Variants in PARD6G observed in about 807,000 individuals in gnomAD.
PARD6G encodes partitioning defective 6 homolog gamma.
PARD6G carries 7 observed loss-of-function variants against 10.7 expected under a neutral mutation model. The observed-to-expected ratio is 0.66, with a 90% CI of 0.37 to 1.23. The LOEUF (loss-of-function observed/expected upper bound fraction) is 1.23. Among genes scored for constraint, PARD6G ranks in the 50% most tolerant of loss-of-function variants. The pLI, the probability that PARD6G is intolerant of heterozygous loss-of-function variation, is 0.02. For synonymous variants in PARD6G, 287 were observed against 269.4 expected (o/e 1.07, Z -0.64); for missense variants, 548 against 571.8 (o/e 0.96, Z 0.42).
rs111891577 is a variant in PARD6G, at chr18:80,228,977, C to T, written c.72+18300G>A. On this transcript the variant is annotated intron_variant, in intron 1 of 2. Coordinates refer to ENST00000353265, the MANE Select transcript of PARD6G (RefSeq NM_032510.4). The surrounding 1 kb of genome is among the most constrained non-coding windows in gnomAD (Gnocchi z 4.6). ...TTTAGAAGACGGAGTCTCACTCTGT[C>T]GCCCAGGCTGGAGTGCAGTGGCATG... Among the ~76,000 whole-genome samples, 7 of 152,148 alleles carry T rather than the reference C, an allele frequency of 4.6e-5. No homozygotes were observed. Among genetic ancestry groups the T allele is most frequent in the Non-Finnish European group, 7.4e-5 (5 of 68,026 alleles).
intron 1 of PARD6G, among the ~76,000 whole-genome samples, chr18:80,224,286 T>C (rs1000964831): frequency 4.6e-5 from 7 of 152,096 alleles, no homozygotes; most frequent in African/African-American, 1.7e-4. Context: ...ACCTAAGAGG[T>C]CTATCTAAAT....
intron 2 of PARD6G, among the ~76,000 whole-genome samples, chr18:80,194,214 CAG>C (rs773994120): frequency 2.0e-5 from 3 of 152,294 alleles, no homozygotes; most frequent in Middle Eastern, 3.4e-3. Context: ...CTTAATGTGA[CAG>C]CGCCACTCAA....
In PARD6G at chr18:80,180,783, C is replaced by T. The variant is rs948252258; in HGVS notation, c.296-20177G>A. 2.0e-5 allele frequency among the ~76,000 whole-genome samples: 3 copies of T among 152,146 alleles called. No homozygotes were observed. Among genetic ancestry groups the T allele is most frequent in the Non-Finnish European group, 4.4e-5 (3 of 68,012 alleles). The stretch of plus-strand genomic sequence containing the variant: ...CCCTTCCTCATCACAACAGAGAGCC[C>T]ACCACAGGGGACAGCCACAACTTAG... On this transcript the variant is annotated intron_variant, in intron 2 of 2. Coordinates refer to ENST00000353265, the MANE Select transcript of PARD6G (RefSeq NM_032510.4). The surrounding 1 kb of genome is among the most constrained non-coding windows in gnomAD (Gnocchi z 5.6).
chr18:80,190,393 G>T (rs796430380), intron 2 of PARD6G, among the ~76,000 whole-genome samples: 1 of 152,162 alleles, frequency 6.6e-6, no homozygotes, highest in South Asian at 2.1e-4. Context: ...ACTGCCTCTC[G>T]TCCAGAGTCT....
chr18:80,216,332 T>C (rs984078877), intron 1 of PARD6G, among the ~76,000 whole-genome samples: 2 of 152,078 alleles, frequency 1.3e-5, no homozygotes, highest in Non-Finnish European at 2.9e-5. Flanking sequence ...ATTCTTCAAG[T>C]ACACATGAAA....
chr18:80,160,012 TC>T lies in PARD6G; in HGVS notation c.889del (p.Glu297ArgfsTer95). The T allele has an allele frequency of 6.5e-7, 1 of 1,530,320 alleles. No homozygotes were observed. Among genetic ancestry groups the T allele is most frequent in the South Asian group, 1.3e-5 (1 of 77,108 alleles). The allele number at this position is 1,530,320 out of a possible 1,614,324, so 94.8% of individuals were successfully genotyped here. On this transcript the variant is annotated frameshift_variant, in exon 3 of 3. Transcript: ENST00000353265. LOFTEE classifies it low-confidence loss of function (END_TRUNC). ...GCCCTCGATGACGACGTCGTTGTCC[TC>T]ATCGCTCTCCGCCTCGTCGGGGTGG... Reference protein sequence around the residue: ...NFHPDEAESDEDNDVVIEGTL... With the variant: ...NFHPDEAESDXDNDVVIEGTL...
chr18:80,166,379 G>A (rs1207468097), intron 2 of PARD6G, among the ~76,000 whole-genome samples: 4 of 151,432 alleles, frequency 2.6e-5, no homozygotes, highest in Non-Finnish European at 5.9e-5. Context: ...CTAAGCAGGC[G>A]ACACAGTCTG....
chr18:80,230,384 G>A (rs1967344488), intron 1 of PARD6G, among the ~76,000 whole-genome samples: 1 of 152,242 alleles, frequency 6.6e-6, no homozygotes, highest in Non-Finnish European at 1.5e-5. Context: ...TGAGGAACCT[G>A]TTGGAGCGTG....
At chr18:80,197,776 C>G (rs1346168149) in intron 2 of PARD6G, 1 of 152,260 alleles carries the variant, frequency 6.6e-6, no homozygotes, top group Non-Finnish European at 1.5e-5. Context: ...GTTGTGCATT[C>G]TCTGGCAAGG....
intron 2 of PARD6G, among the ~76,000 whole-genome samples, chr18:80,163,352 G>A (rs376593227): frequency 7.9e-5 from 12 of 152,172 alleles, no homozygotes; most frequent in East Asian, 1.9e-4. Flanking sequence ...CAGCCTGGCC[G>A]CCTGTCCCAC....
chr18:80,160,697 CGTGACGCCGAAGCACCCAGG>C, intron 2 of PARD6G, 91 bp from the exon 3 acceptor site: 2 of 1,415,192 alleles, frequency 1.4e-6, no homozygotes, highest in Middle Eastern at 2.6e-4. Context: ...GTTCCATCTG[CGTGACGCCGAAGCACCCAGG>C]GTGCACAGGA....
rs1435963182 is a variant in PARD6G, at chr18:80,235,480, C to G, written c.72+11797G>C. Among the ~76,000 whole-genome samples, 8 of 152,064 alleles carry G rather than the reference C, an allele frequency of 5.3e-5. No individual in the cohort carries two copies. In the East Asian group the frequency reaches 5.8e-4, roughly 11 times the overall value. ...AAGCAAGAGCAAACACATTCAAAAGCTAGCAGAAGGCAAGAAAGAACTAAG... is the reference window on the plus strand; with the variant it reads ...AAGCAAGAGCAAACACATTCAAAAGGTAGCAGAAGGCAAGAAAGAACTAAG... On this transcript the variant is annotated intron_variant, in intron 1 of 2. Transcript: ENST00000353265.
At chr18:80,195,572 T>TATATATATATATATATAC (rs894731117) in intron 2 of PARD6G, among the ~76,000 whole-genome samples, 62 of 87,292 alleles carry the variant, frequency 7.1e-4, no homozygotes, top group Middle Eastern at 5.3e-3. Context: ...TATATATATA[T>TATATATATATATATATAC]ACACACATTT....
At position 80,201,375 on chromosome 18, in the gene PARD6G, C is replaced by T. The variant is rs1967005238; in HGVS notation, c.295+1335G>A. On this transcript the variant is annotated intron_variant, in intron 2 of 2. Coordinates refer to ENST00000353265, the MANE Select transcript of PARD6G (RefSeq NM_032510.4). The surrounding 1 kb of genome is among the most constrained non-coding windows in gnomAD (Gnocchi z 5.9). ...AGCAGCCACTGCAGAGGGCAGCATA[C>T]AGAGGACCGAGGTGTGGCACGCTGG... 6.6e-6 allele frequency among the ~76,000 whole-genome samples: 1 copy of T among 152,164 alleles called. No homozygotes were observed. The highest frequency in any genetic ancestry group is 1.5e-5 in the Non-Finnish European group (1 of 68,032).
At chr18:80,209,153 C>T (rs1967083200) in intron 1 of PARD6G, among the ~76,000 whole-genome samples, 1 of 151,816 alleles carries the variant, frequency 6.6e-6, no homozygotes, top group South Asian at 2.1e-4. Flanking sequence ...TTTCCCTCAC[C>T]AGTACCCTGA....
At chr18:80,236,720 C>T (rs1473448981) in intron 1 of PARD6G, among the ~76,000 whole-genome samples, 3 of 152,080 alleles carry the variant, frequency 2.0e-5, no homozygotes, top group Non-Finnish European at 2.9e-5. Context: ...AAACAGAGAA[C>T]CAAATCATAA....
intron 1 of PARD6G, among the ~76,000 whole-genome samples, chr18:80,217,180 G>C (rs536628383): frequency 9.2e-5 from 14 of 152,328 alleles, no homozygotes; most frequent in African/African-American, 2.9e-4. Context: ...AGTGACTGAA[G>C]TTGGAACAAT....
At chr18:80,245,072 TG>T (rs1967529957) in intron 1 of PARD6G, among the ~76,000 whole-genome samples, 2 of 152,314 alleles carry the variant, frequency 1.3e-5, no homozygotes, top group South Asian at 4.1e-4. Flanking sequence ...CTGCTGCATC[TG>T]AACTTGAATC....
At chr18:80,203,938 C>T (rs969247491) in intron 1 of PARD6G, among the ~76,000 whole-genome samples, 1 of 152,166 alleles carries the variant, frequency 6.6e-6, no homozygotes, top group African/African-American at 2.4e-5. Flanking sequence ...GCGACATGTA[C>T]ACCCGCCTCA....
Sources: gnomAD v4.1 joint callset for allele counts (sites outside exome capture counted in the v4.1 genomes callset) on GRCh38, gnomAD v4.1.1 for gene constraint, Gnocchi (gnomAD v3.1) non-coding constraint, MANE v1.5 for transcripts, NCBI Gene and HGNC (gene_info 2026-07-23, HGNC 2026-07-21) for gene names.